BPTF: variants seen among roughly 807,000 people sequenced by gnomAD.
The protein encoded by BPTF is nucleosome-remodeling factor subunit BPTF.
BPTF carries 18 observed loss-of-function variants against 292.5 expected under a neutral mutation model. The observed-to-expected ratio is 0.06, with a 90% CI of 0.04 to 0.09. BPTF has a LOEUF of 0.09. BPTF is among the 10% of genes least tolerant of loss of function. BPTF has a pLI of 1.00. For synonymous variants in BPTF, 1,225 were observed against 1,251.9 expected (o/e 0.98, Z 0.45); for missense variants, 2,726 against 3,498.7 (o/e 0.78, Z 5.57).
chr17:67,907,810 C>G (rs1330768161), intron 9 of BPTF, among the ~76,000 whole-genome samples: 2 of 152,188 alleles, frequency 1.3e-5, no homozygotes, highest in Non-Finnish European at 2.9e-5. Flanking sequence ...TCACACTCAA[C>G]AAATTAACCG....
At chr17:67,877,408 C>A (rs958449440) in intron 4 of BPTF, among the ~76,000 whole-genome samples, 6 of 152,136 alleles carry the variant, frequency 3.9e-5, no homozygotes, top group Non-Finnish European at 8.8e-5. Flanking sequence ...TGTTTACTAC[C>A]TATGGTCAGT....
In BPTF at chr17:67,884,888, A is replaced by G. The variant is rs559814541; in HGVS notation, c.1865-6956A>G. Among the ~76,000 whole-genome samples, 4 of 152,102 alleles carry G rather than the reference A, an allele frequency of 2.6e-5. No homozygotes were observed. In the East Asian group the frequency reaches 7.7e-4, roughly 29 times the overall value. On this transcript the variant is annotated intron_variant, in intron 4 of 27. Coordinates refer to ENST00000306378, the MANE Select transcript of BPTF (RefSeq NM_182641.4). ...TGCATGTGTAATTTTCCCTTCGTGTATTGTGAGACTTGGATTTTTGCCAGT... is the reference window on the plus strand; with the variant it reads ...TGCATGTGTAATTTTCCCTTCGTGTGTTGTGAGACTTGGATTTTTGCCAGT...
At chr17:67,899,330 C>T (rs1433764165) in intron 7 of BPTF, among the ~76,000 whole-genome samples, 1 of 152,136 alleles carries the variant, frequency 6.6e-6, no homozygotes, top group East Asian at 1.9e-4. Context: ...CGCCAGATAC[C>T]TTGATTGTGG....
At chr17:67,935,174 A>C (rs2064812321) in intron 18 of BPTF, among the ~76,000 whole-genome samples, 1 of 152,240 alleles carries the variant, frequency 6.6e-6, no homozygotes, top group Non-Finnish European at 1.5e-5. Context: ...CTGTAATCCC[A>C]GCACTTTGGG....
intron 18 of BPTF, among the ~76,000 whole-genome samples, chr17:67,934,617 T>A (rs571571790): frequency 6.6e-6 from 1 of 152,054 alleles, no homozygotes; most frequent in African/African-American, 2.4e-5. Context: ...GGCTCACTCC[T>A]GTAATCCCAG....
chr17:67,856,877 T>C (rs905540803), intron 2 of BPTF, among the ~76,000 whole-genome samples: 1 of 152,158 alleles, frequency 6.6e-6, no homozygotes, highest in African/African-American at 2.4e-5. Context: ...GGAACCTCAG[T>C]TTACCTCCTC....
At chr17:67,894,708 C>A (rs9914969) in intron 7 of BPTF, among the ~76,000 whole-genome samples, 10,144 of 152,180 alleles carry the variant, frequency 0.067, 1,142 homozygotes, top group African/African-American at 0.23. Context: ...AAAATATTTT[C>A]TAAAGTAAAT....
At chr17:67,839,171 A>C in intron 1 of BPTF, among the ~76,000 whole-genome samples, 1 of 151,874 alleles carries the variant, frequency 6.6e-6, no homozygotes, top group South Asian at 2.1e-4. Flanking sequence ...ATTGTGTACC[A>C]CCTCCAAAGC....
chr17:67,945,993 C>G lies in BPTF; in HGVS notation c.7285C>G (p.Gln2429Glu), dbSNP rs1555675002. 1.2e-6 allele frequency: 2 copies of G among 1,614,238 alleles called. No homozygotes were observed. The highest frequency in any genetic ancestry group is 1.1e-5 in the South Asian group (1 of 91,092). ...TCCTCAGCTACAAATACAGCAGCCA[C>G]AGCCCCAAGTCATTGCTGTGCCTCA... Reference protein sequence around the residue: ...SRPQLQIQQPQPQVIAVPQLQ... With the variant: ...SRPQLQIQQPEPQVIAVPQLQ... The change falls in exon 21 of 28, where the codon CAG becomes GAG. Residue 2429 changes from glutamine (Q) to glutamate (E), a missense_variant. Around this residue, in one of 22 missense-constraint regions of BPTF, gnomAD observed 570 missense variants for 633.5 expected, o/e 0.90. Transcript: ENST00000306378.
intron 27 of BPTF, chr17:67,981,459 T>G: frequency 1.6e-6 from 2 of 1,243,356 alleles, no homozygotes; most frequent in South Asian, 2.8e-5. Context: ...TAGTCTGAAT[T>G]TTTAACTGGA....
chr17:67,979,163 C>T (rs1187268540), intron 27 of BPTF, among the ~76,000 whole-genome samples: 1 of 60,358 alleles, frequency 1.7e-5, no homozygotes, highest in Non-Finnish European at 2.7e-5. Flanking sequence ...CAACAAGACC[C>T]TGTCTCAAAA....
chr17:67,923,182 G>A (rs920869664), intron 14 of BPTF, among the ~76,000 whole-genome samples, 192 bp downstream of exon 14: 6 of 150,170 alleles, frequency 4.0e-5, no homozygotes, highest in South Asian at 4.2e-4. Flanking sequence ...CAGCCTCCCC[G>A]GTACCTAGGA....
chr17:67,945,313 A>G (rs1469684829), intron 20 of BPTF, 96 bp from the exon 21 acceptor site: 4 of 1,525,026 alleles, frequency 2.6e-6, no homozygotes, highest in Non-Finnish European at 2.6e-6. Flanking sequence ...ACGCCTGGCC[A>G]GAATTCTCAA....
intron 1 of BPTF, among the ~76,000 whole-genome samples, chr17:67,847,762 T>TG (rs928612393): frequency 6.6e-6 from 1 of 152,032 alleles, no homozygotes; most frequent in Non-Finnish European, 1.5e-5. Context: ...AGATAGGGAT[T>TG]GGGGGCAAAT....
chr17:67,919,836 A>G (rs1477998488), intron 12 of BPTF, among the ~76,000 whole-genome samples, 179 bp from the exon 13 acceptor site: 2 of 152,214 alleles, frequency 1.3e-5, no homozygotes, highest in Non-Finnish European at 2.9e-5. Context: ...GCGAGGAAGA[A>G]GCTCAGTATT....
chr17:67,924,145 A>AT (rs1234486958), intron 14 of BPTF, among the ~76,000 whole-genome samples: 1 of 151,922 alleles, frequency 6.6e-6, no homozygotes, highest in Non-Finnish European at 1.5e-5. Context: ...TGCCTGGCTA[A>AT]TTTTTTTGTA....
At chr17:67,886,030 C>A in intron 4 of BPTF, 1 of 925,686 alleles carries the variant, frequency 1.1e-6, no homozygotes, top group Non-Finnish European at 1.6e-6. Flanking sequence ...TTTAAAAATA[C>A]AGCTTCTTAA....
intron 24 of BPTF, among the ~76,000 whole-genome samples, chr17:67,961,451 C>T (rs539388004): frequency 6.7e-6 from 1 of 149,470 alleles, no homozygotes; most frequent in African/African-American, 2.4e-5. Context: ...AAGTCCTGAA[C>T]ATCCTTCCAG....
intron 11 of BPTF, 141 bp downstream of exon 11, chr17:67,913,328 G>A: frequency 7.5e-7 from 1 of 1,333,220 alleles, no homozygotes; most frequent in South Asian, 1.7e-5. Flanking sequence ...ATGGAAACAG[G>A]ATACAGAAAG....
Sources: allele counts gnomAD v4.1 joint callset (sites outside exome capture counted in the v4.1 genomes callset), GRCh38; gene constraint gnomAD v4.1.1; regional missense constraint gnomAD v4.1.1; transcripts MANE v1.5; gene names NCBI Gene and HGNC (gene_info 2026-07-23, HGNC 2026-07-21).